The following LRRK1 variants were observed in gnomAD, a reference collection of about 807,000 sequenced individuals.
The protein encoded by LRRK1 is leucine rich repeat kinase 1.
In LRRK1, 113 loss-of-function variants were observed where a neutral mutation model predicts 209.1. That is an observed-to-expected ratio of 0.54 (90% CI 0.46 to 0.63). The LOEUF is 0.63. Among genes scored for constraint, LRRK1 ranks in the 30% least tolerant of loss-of-function variants. The probability of loss-of-function intolerance (pLI) is 0.00; values close to 1 mark genes in which losing one functional copy is unlikely to be tolerated. For synonymous variants in LRRK1, 1,144 were observed against 1,099.7 expected (o/e 1.04, Z -0.80); for missense variants, 2,284 against 2,632.2 (o/e 0.87, Z 2.89).
Position 101,008,863 on chromosome 15 carries a change from C to T in LRRK1, c.789C>T (p.Leu263=). The T allele has an allele frequency of 6.2e-7, 1 of 1,614,218 alleles. No homozygotes were observed. Among genetic ancestry groups the T allele is most frequent in the African/African-American group, 1.3e-5 (1 of 75,072 alleles). The change falls in exon 7 of 34, where the codon CTC becomes CTT. Residue 263 remains leucine, a synonymous_variant. Transcript: ENST00000388948. ...KTALRVKWSH[L]RLPWVDLDWL... ...CTCTCCGTGTGAAATGGTCCCATCTCAGACTGCCCTGGGTAGACCTAGACT... is the reference window on the plus strand; with the variant it reads ...CTCTCCGTGTGAAATGGTCCCATCTTAGACTGCCCTGGGTAGACCTAGACT...
At position 101,027,898 on chromosome 15, in the gene LRRK1, C is replaced by T; in HGVS notation, c.2686+101C>T. The stretch of plus-strand genomic sequence containing the variant: ...CTCAGTAATGAATGAGAGACCGACA[C>T]CCAGCCTGCGTTTCTGCCTTCCATC... On this transcript the variant is annotated intron_variant, in intron 19 of 33. Transcript: ENST00000388948. This position sits in a 1 kb window ranked among gnomAD's most constrained non-coding sequence, Gnocchi z 5.1. 1 of 1,104,598 alleles carries T rather than the reference C, an allele frequency of 9.1e-7. No individual in the cohort carries two copies. The highest frequency in any genetic ancestry group is 1.3e-6 in the Non-Finnish European group (1 of 783,776). 68.4% of individuals were successfully genotyped at this position (1,104,598 alleles called of 1,614,324 possible).
intron 26 of LRRK1, 55 bp from the exon 27 acceptor site, chr15:101,054,891 T>A: frequency 1.4e-6 from 2 of 1,395,690 alleles, no homozygotes; most frequent in South Asian, 2.7e-5. Context: ...CATGATAATT[T>A]GATTCTATCA....
At chr15:100,936,176 A>G (rs2042296096) in intron 2 of LRRK1, among the ~76,000 whole-genome samples, 1 of 152,222 alleles carries the variant, frequency 6.6e-6, no homozygotes, top group African/African-American at 2.4e-5. Flanking sequence ...GATTTAACCA[A>G]CATTCGTTAT....
intron 2 of LRRK1, among the ~76,000 whole-genome samples, chr15:100,947,712 A>C (rs938125226): frequency 2.6e-5 from 4 of 152,256 alleles, no homozygotes; most frequent in African/African-American, 9.6e-5. Context: ...AAAACTGGAA[A>C]TGCCCTAAAT....
chr15:101,052,825 G>A (rs1462164652), intron 24 of LRRK1, 97 bp from the exon 25 acceptor site: 9 of 1,417,552 alleles, frequency 6.3e-6, no homozygotes, highest in Non-Finnish European at 8.5e-6. Flanking sequence ...AGATGGCTTT[G>A]AACCATGACT....
chr15:100,921,740 A>G (rs567031008), intron 1 of LRRK1, among the ~76,000 whole-genome samples: 1 of 152,258 alleles, frequency 6.6e-6, no homozygotes, highest in South Asian at 2.1e-4. Context: ...TCTTTTCTCT[A>G]GAGTCTTGCT....
intron 20 of LRRK1, among the ~76,000 whole-genome samples, chr15:101,038,103 G>A (rs909162641): frequency 2.0e-5 from 3 of 152,200 alleles, no homozygotes; most frequent in African/African-American, 7.2e-5. Context: ...ATTATTGTAA[G>A]TGAAGTAACT....
At chr15:101,025,064 G>T (rs2033963450) in intron 16 of LRRK1, 97 bp downstream of exon 16, 2 of 1,248,428 alleles carry the variant, frequency 1.6e-6, no homozygotes, top group Admixed American at 2.3e-5. Context: ...GAAAAAAAGG[G>T]GGTTATGTTG....
At chr15:100,926,599 A>G (rs114447967) in intron 2 of LRRK1, among the ~76,000 whole-genome samples, 3,366 of 132,738 alleles carry the variant, frequency 0.025, 162 homozygotes, top group African/African-American at 0.093. Flanking sequence ...ATCTTGGGGC[A>G]GGGGGGCGGG....
intron 21 of LRRK1, 40 bp from the exon 22 acceptor site, chr15:101,048,454 G>A: frequency 6.3e-7 from 1 of 1,582,092 alleles, no homozygotes; most frequent in Non-Finnish European, 8.6e-7. Flanking sequence ...CCAGCGAGGA[G>A]CCCAGAATAC....
chr15:101,023,183 G>C (rs942955864), intron 15 of LRRK1, among the ~76,000 whole-genome samples: 1 of 152,100 alleles, frequency 6.6e-6, no homozygotes, highest in Non-Finnish European at 1.5e-5. Flanking sequence ...CCTGACACCT[G>C]CTTTCACCCC....
rs780250032 is a variant in LRRK1, at chr15:101,053,013, C to T, written c.3781C>T (p.Arg1261Trp). The T allele has an allele frequency of 9.9e-6, 16 of 1,612,934 alleles. No homozygotes were observed. In the Admixed American group the frequency reaches 1.2e-4, roughly 12 times the overall value. The change falls in exon 25 of 34, where the codon CGG (arginine) becomes TGG (tryptophan). Residue 1261 changes from arginine to tryptophan, a missense_variant. Arg to Trp is a moderately radical substitution (Grantham distance 101). This residue lies in a region of LRRK1 where 780 missense variants were observed against 985.2 expected (regional missense o/e 0.79). Transcript: ENST00000388948. The stretch of plus-strand genomic sequence containing the variant: ...CAGTGGCACCGTCATCTACCGGGCC[C>T]GGTACCAGGGCCAGCCTGTGGCCGT... ...GGSGTVIYRARYQGQPVAVKR... is the reference protein window; with the variant it reads ...GGSGTVIYRAWYQGQPVAVKR...
chr15:101,054,909 A>G, intron 26 of LRRK1, 37 bp from the exon 27 acceptor site: 5 of 1,531,862 alleles, frequency 3.3e-6, no homozygotes, highest in Non-Finnish European at 4.4e-6. Context: ...TCAAAACTGA[A>G]ATTTTGATAC....
chr15:100,945,131 C>T (rs2042511008), intron 2 of LRRK1, among the ~76,000 whole-genome samples: 1 of 152,182 alleles, frequency 6.6e-6, no homozygotes, highest in Non-Finnish European at 1.5e-5. Flanking sequence ...CAAATAATGC[C>T]AGATGTCTGT....
intron 2 of LRRK1, among the ~76,000 whole-genome samples, chr15:100,934,802 CA>C (rs56258040): frequency 0.016 from 846 of 53,428 alleles, 5 homozygotes; most frequent in East Asian, 0.064. Flanking sequence ...GAAACTGTCT[CA>C]AAAAAAAAAA....
chr15:101,027,701 G>A lies in LRRK1; in HGVS notation c.2590G>A (p.Asp864Asn), dbSNP rs915301795. 4 of 1,612,850 alleles carry A rather than the reference G, an allele frequency of 2.5e-6. No individual in the cohort carries two copies. Among genetic ancestry groups the A allele is most frequent in the East Asian group, 2.2e-5 (1 of 44,854 alleles). Residue 864 changes from aspartate (D) to asparagine (N), a missense_variant, in exon 19 of 34, where the codon GAC (aspartate) becomes AAC (asparagine). Around this residue, in one of 6 missense-constraint regions of LRRK1, gnomAD observed 780 missense variants for 985.2 expected, o/e 0.79. Coordinates refer to ENST00000388948, the MANE Select transcript of LRRK1 (RefSeq NM_024652.6). This position sits in a 1 kb window ranked among gnomAD's most constrained non-coding sequence, Gnocchi z 5.1. The part of the protein sequence containing the change: ...VLAEQQRRSR[D>N]DDVQYLTDRQ... The stretch of plus-strand genomic sequence containing the variant: ...GGCAGAGCAGCAGCGCCGCAGCCGG[G>A]ACGACGACGTGCAGTACCTGACGGA...
chr15:101,013,956 G>A (rs1243653188), intron 10 of LRRK1, among the ~76,000 whole-genome samples: 1 of 152,194 alleles, frequency 6.6e-6, no homozygotes, highest in African/African-American at 2.4e-5. Flanking sequence ...CCAGCCGTGA[G>A]CCGTTGTCCT....
rs906088044 is a variant in LRRK1 at position 101,074,393 on chromosome 15, C to G, written c.*5545C>G. The G allele has an allele frequency of 6.6e-6, 1 of 152,158 alleles. No individual in the cohort carries two copies. The highest frequency in any genetic ancestry group is 6.6e-5 in the Admixed American group (1 of 15,262). The allele number at this position is 152,158 out of a possible 1,614,324, so 9.4% of individuals were successfully genotyped here. On this transcript the variant is annotated 3_prime_UTR_variant, in exon 34 of 34. Transcript: ENST00000388948. ...TTAAAAAGGTGGCTGGAGCTAAAGG[C>G]ATAGTCAAGGTTAATGCTCCTTTTT...
intron 20 of LRRK1, among the ~76,000 whole-genome samples, chr15:101,031,835 T>C (rs1425533063): frequency 1.3e-5 from 2 of 152,066 alleles, no homozygotes; most frequent in African/African-American, 4.8e-5. Context: ...CCCGGGTTCT[T>C]GCCATTCTCC....
Sources: allele counts gnomAD v4.1 joint callset (sites outside exome capture counted in the v4.1 genomes callset), GRCh38; gene constraint gnomAD v4.1.1; regional missense constraint gnomAD v4.1.1; non-coding constraint Gnocchi (gnomAD v3.1); transcripts MANE v1.5; gene names NCBI Gene and HGNC (gene_info 2026-07-23, HGNC 2026-07-21).